The following S100A8 variants were observed in gnomAD, a reference collection of about 807,000 sequenced individuals.
The protein encoded by S100A8 is protein S100-A8.
In S100A8, 1 loss-of-function variant was observed where a neutral mutation model predicts 4.2. The ratio of observed to expected loss-of-function variants is 0.24; its 90% CI spans 0.08 to 1.12. The LOEUF (loss-of-function observed/expected upper bound fraction) is 1.12. Ranked by LOEUF, S100A8 falls within the 50% of genes most tolerant of loss-of-function variation. The pLI is 0.53. For missense variants in S100A8, 96 were observed against 111.8 expected (o/e 0.86, Z 0.64); for synonymous variants, 41 against 44.7 (o/e 0.92, Z 0.33).
At chr1:153,391,191 C>A, upstream of S100A8, 1 of 985,482 alleles carries the variant, frequency 1.0e-6, no homozygotes, top group Non-Finnish European at 1.2e-6. Flanking sequence ...GGTTTCTCAA[C>A]CAGGTGAATG....
chr1:153,416,865 G>A, the S100A8 span, among the ~76,000 whole-genome samples: 1 of 152,186 alleles, frequency 6.6e-6, no homozygotes, highest in African/African-American at 2.4e-5. Context: ...CTTCCTCCCT[G>A]GATTCATTCT....
chr1:153,398,176 G>A, the S100A8 span, among the ~76,000 whole-genome samples: 1 of 152,130 alleles, frequency 6.6e-6, no homozygotes, highest in African/African-American at 2.4e-5. Context: ...CCCAGGGCAT[G>A]GATAGACAGC....
the S100A8 span, among the ~76,000 whole-genome samples, chr1:153,411,211 G>A: frequency 6.6e-6 from 1 of 152,216 alleles, no homozygotes; most frequent in Non-Finnish European, 1.5e-5. Flanking sequence ...CAGATGACAT[G>A]ATTGTATATC....
the S100A8 span, among the ~76,000 whole-genome samples, chr1:153,397,447 C>T: frequency 2.0e-5 from 3 of 152,124 alleles, no homozygotes; most frequent in Admixed American, 6.5e-5. Context: ...CCGAGGCAGG[C>T]GGCCCAGATG....
chr1:153,414,261 G>T, the S100A8 span, among the ~76,000 whole-genome samples: 3 of 152,180 alleles, frequency 2.0e-5, no homozygotes. Flanking sequence ...TCATAAGCTG[G>T]ACTTCTTTAA....
chr1:153,394,170 G>C (rs1662164990), upstream of S100A8, among the ~76,000 whole-genome samples: 1 of 152,188 alleles, frequency 6.6e-6, no homozygotes, highest in Admixed American at 6.5e-5. Context: ...CTCAGTCCCT[G>C]GGTGTGTCCC....
chr1:153,396,209 A>G, the S100A8 span, among the ~76,000 whole-genome samples: 1 of 147,898 alleles, frequency 6.8e-6, no homozygotes, highest in Non-Finnish European at 1.5e-5. Flanking sequence ...GACTCCCTGG[A>G]GATAGGAGCT....
At chr1:153,411,137 A>G in the S100A8 span, among the ~76,000 whole-genome samples, 12 of 152,206 alleles carry the variant, frequency 7.9e-5, no homozygotes, top group Non-Finnish European at 1.5e-4. Context: ...CAGGGCAATC[A>G]GGCAGGAGAA....
the S100A8 span, among the ~76,000 whole-genome samples, chr1:153,401,140 T>A: frequency 3.3e-5 from 5 of 152,396 alleles, no homozygotes; most frequent in Non-Finnish European, 7.3e-5. Context: ...ACATCTCACA[T>A]GCTTAATCAA....
chr1:153,393,965 C>T (rs1158237864), upstream of S100A8, among the ~76,000 whole-genome samples: 1 of 152,142 alleles, frequency 6.6e-6, no homozygotes. Flanking sequence ...GAAATGTCGC[C>T]CCCTCCCCAG....
chr1:153,412,793 A>C, the S100A8 span, among the ~76,000 whole-genome samples: 2 of 152,224 alleles, frequency 1.3e-5, no homozygotes, highest in Non-Finnish European at 2.9e-5. Context: ...ACCATGGAAT[A>C]CTATGCAGCC....
At chr1:153,416,929 G>T in the S100A8 span, among the ~76,000 whole-genome samples, 2 of 152,240 alleles carry the variant, frequency 1.3e-5, no homozygotes, top group Non-Finnish European at 2.9e-5. Flanking sequence ...CCCACAGAGG[G>T]AGGAGGGATA....
upstream of S100A8, among the ~76,000 whole-genome samples, chr1:153,395,492 T>C (rs1246500004): frequency 6.6e-6 from 1 of 152,110 alleles, no homozygotes; most frequent in Non-Finnish European, 1.5e-5. Flanking sequence ...TGTTCTGCCT[T>C]TTCTGATGCC....
rs775968664 is a variant in S100A8, at chr1:153,390,541, C to T, written c.-6G>A. The T allele has an allele frequency of 9.9e-6, 16 of 1,613,980 alleles. No individual in the cohort carries two copies. Among genetic ancestry groups the T allele is most frequent in the Non-Finnish European group, 1.3e-5 (15 of 1,179,992 alleles). ...TTCTCCAGCTCGGTCAACATGATGCCCACGGACTTGCCCCACCTGAAAAAC... is the reference window on the plus strand; with the variant it reads ...TTCTCCAGCTCGGTCAACATGATGCTCACGGACTTGCCCCACCTGAAAAAC... On this transcript the variant is annotated 5_prime_UTR_variant, in exon 2 of 3. Coordinates refer to ENST00000368733, the MANE Select transcript of S100A8 (RefSeq NM_002964.5).
the S100A8 span, chr1:153,418,279 C>T: frequency 6.2e-7 from 1 of 1,608,214 alleles, no homozygotes; most frequent in South Asian, 1.1e-5. Flanking sequence ...GCTGAGGATA[C>T]ATTTTGCTAT....
At chr1:153,398,249 G>T in the S100A8 span, among the ~76,000 whole-genome samples, 17,678 of 152,190 alleles carry the variant, frequency 0.12, 1,038 homozygotes, top group Middle Eastern at 0.14. Context: ...TACGTTTGAT[G>T]ACAAAGAAGA....
chr1:153,399,890 C>T, the S100A8 span, among the ~76,000 whole-genome samples: 8 of 152,186 alleles, frequency 5.3e-5, no homozygotes, highest in East Asian at 1.9e-4. Context: ...TAAAAGAGCG[C>T]GGCCCCCTCA....
chr1:153,417,478 C>G, the S100A8 span, among the ~76,000 whole-genome samples: 1 of 152,328 alleles, frequency 6.6e-6, no homozygotes, highest in East Asian at 1.9e-4. Flanking sequence ...GGCCCCCTGT[C>G]CTCGGGAGAG....
chr1:153,394,839 T>A (rs985413798), upstream of S100A8, among the ~76,000 whole-genome samples: 3 of 152,104 alleles, frequency 2.0e-5, no homozygotes, highest in Admixed American at 1.3e-4. Flanking sequence ...ACCAAGTTTC[T>A]TAAGTGACCC....
Sources: gnomAD v4.1 joint callset for allele counts (sites outside exome capture counted in the v4.1 genomes callset) on GRCh38, gnomAD v4.1.1 for gene constraint, MANE v1.5 for transcripts, NCBI Gene and HGNC (gene_info 2026-07-23, HGNC 2026-07-21) for gene names.